TGFBR3: variants seen among roughly 807,000 people sequenced by gnomAD.
TGFBR3 encodes transforming growth factor beta receptor type 3.
TGFBR3 carries 46 observed loss-of-function variants against 87.9 expected under a neutral mutation model. The ratio of observed to expected loss-of-function variants is 0.52; its 90% CI spans 0.41 to 0.67. The LOEUF (loss-of-function observed/expected upper bound fraction) is 0.67, where lower values mean the gene tolerates loss of function less well. Among genes scored for constraint, TGFBR3 ranks in the 30% least tolerant of loss-of-function variants. The probability of loss-of-function intolerance (pLI) is 0.00; values close to 1 mark genes in which losing one functional copy is unlikely to be tolerated. For synonymous variants in TGFBR3, 381 were observed against 391.6 expected (o/e 0.97, Z 0.32); for missense variants, 866 against 1,041.9 (o/e 0.83, Z 2.32).
At chr1:91,689,956 T>C (rs1241601274) in intron 16 of TGFBR3, among the ~76,000 whole-genome samples, 5 of 151,740 alleles carry the variant, frequency 3.3e-5, no homozygotes, top group Admixed American at 6.6e-5. Context: ...GTAAATGGAC[T>C]TTTAAAGGCA....
At chr1:91,870,292 C>G (rs1025732389) in intron 1 of TGFBR3, among the ~76,000 whole-genome samples, 11 of 152,018 alleles carry the variant, frequency 7.2e-5, no homozygotes, top group Admixed American at 4.6e-4. Flanking sequence ...TGTGAACATT[C>G]TGTCACTTAT....
intron 1 of TGFBR3, among the ~76,000 whole-genome samples, chr1:91,874,631 G>A (rs1678714667): frequency 6.6e-6 from 1 of 152,060 alleles, no homozygotes; most frequent in East Asian, 1.9e-4. Flanking sequence ...CCGAGTAGCT[G>A]GGATTACAGG....
intron 1 of TGFBR3, among the ~76,000 whole-genome samples, chr1:91,879,826 A>C (rs1444225125): frequency 6.6e-6 from 1 of 152,126 alleles, no homozygotes; most frequent in East Asian, 1.9e-4. Context: ...AAATCTAGAA[A>C]TTTTATATTC....
At chr1:91,719,779 A>G in intron 9 of TGFBR3, 114 bp downstream of exon 9, 2 of 1,209,706 alleles carry the variant, frequency 1.7e-6, no homozygotes, top group South Asian at 1.3e-5. Context: ...AGAAAACAGT[A>G]TCAAGCCTCC....
At chr1:91,889,358 C>T (rs1679399336), upstream of TGFBR3, among the ~76,000 whole-genome samples, 1 of 152,126 alleles carries the variant, frequency 6.6e-6, no homozygotes, top group African/African-American at 2.4e-5. Flanking sequence ...ATCCACCGAC[C>T]TCAAAACCTA....
rs2391067 is a variant in TGFBR3 at position 91,768,730 on chromosome 1, T to A, written c.247-9980A>T. On this transcript the variant is annotated intron_variant, in intron 3 of 16. Transcript: ENST00000212355. ...CCTTCTGCCACGATTGAAAGTTTCC[T>A]GAGGCCTCCCCAGAAGCTGCTATGT... 3.9e-5 allele frequency among the ~76,000 whole-genome samples: 6 copies of A among 151,904 alleles called. No individual in the cohort carries two copies. In the South Asian group the frequency reaches 1.2e-3, roughly 32 times the overall value.
intron 5 of TGFBR3, among the ~76,000 whole-genome samples, chr1:91,732,884 T>C (rs538474731): frequency 6.6e-6 from 1 of 152,336 alleles, no homozygotes; most frequent in African/African-American, 2.4e-5. Context: ...AAGAAGCTCA[T>C]GCACTGCCGA....
At chr1:91,829,327 G>A (rs1380575476) in intron 2 of TGFBR3, among the ~76,000 whole-genome samples, 1 of 151,606 alleles carries the variant, frequency 6.6e-6, no homozygotes, top group Non-Finnish European at 1.5e-5. Context: ...AGTGAGCTGA[G>A]ATTGCCCCAC....
At chr1:91,856,322 T>C (rs529751288) in intron 2 of TGFBR3, among the ~76,000 whole-genome samples, 3 of 152,124 alleles carry the variant, frequency 2.0e-5, no homozygotes, top group Non-Finnish European at 2.9e-5. Context: ...CGCCTCGGCC[T>C]CCCAAAGTGC....
chr1:91,748,780 G>C (rs978648130), intron 4 of TGFBR3, among the ~76,000 whole-genome samples: 2 of 151,746 alleles, frequency 1.3e-5, no homozygotes, highest in African/African-American at 4.8e-5. Context: ...TACTTACTAA[G>C]CACTGTCCCT....
intron 14 of TGFBR3, among the ~76,000 whole-genome samples, chr1:91,705,451 G>C (rs1047905303): frequency 1.3e-5 from 2 of 151,704 alleles, no homozygotes; most frequent in African/African-American, 4.8e-5. Flanking sequence ...GGCTGGTCTT[G>C]AACTCCTGAC....
chr1:91,840,481 A>G (rs556059552), intron 2 of TGFBR3, among the ~76,000 whole-genome samples: 240 of 144,714 alleles, frequency 1.7e-3, no homozygotes, highest in African/African-American at 5.9e-3. Flanking sequence ...TTGTAATATC[A>G]TGCATGATTT....
chr1:91,718,067 T>A (rs1173983157), intron 10 of TGFBR3, among the ~76,000 whole-genome samples: 1 of 152,106 alleles, frequency 6.6e-6, no homozygotes. Context: ...AATAAATTAA[T>A]TATTTGAGTA....
intron 4 of TGFBR3, among the ~76,000 whole-genome samples, chr1:91,750,695 T>C (rs1283971624): frequency 2.0e-5 from 3 of 152,200 alleles, no homozygotes. Flanking sequence ...AGAGAGAATT[T>C]ATCTGGGGAA....
intron 3 of TGFBR3, among the ~76,000 whole-genome samples, chr1:91,786,759 A>G (rs1262663837): frequency 6.6e-6 from 1 of 151,850 alleles, no homozygotes; most frequent in Non-Finnish European, 1.5e-5. Flanking sequence ...TCCAAAAAAA[A>G]AGACAAAAAA....
At chr1:91,889,257 C>T (rs560395561), upstream of TGFBR3, among the ~76,000 whole-genome samples, 22 of 152,174 alleles carry the variant, frequency 1.4e-4, no homozygotes, top group Admixed American at 3.9e-4. Flanking sequence ...TAAATGAGGC[C>T]GATATACATG....
At chr1:91,851,134 G>A (rs1156715041) in intron 2 of TGFBR3, among the ~76,000 whole-genome samples, 1 of 152,048 alleles carries the variant, frequency 6.6e-6, no homozygotes. Flanking sequence ...ACATTACACT[G>A]TAGATTTTTT....
At chr1:91,720,327 C>T (rs1672322416) in intron 8 of TGFBR3, 97 bp from the exon 9 acceptor site, 1 of 1,217,060 alleles carries the variant, frequency 8.2e-7, no homozygotes, top group South Asian at 1.3e-5. Flanking sequence ...ATAGAATGGG[C>T]AGGTGTAAAA....
At chr1:91,849,503 CA>C (rs1677634883) in intron 2 of TGFBR3, among the ~76,000 whole-genome samples, 1 of 152,184 alleles carries the variant, frequency 6.6e-6, no homozygotes, top group Non-Finnish European at 1.5e-5. Context: ...AACCTTTGCT[CA>C]ATGTTCCTAG....
Sources: gnomAD v4.1 joint callset for allele counts (sites outside exome capture counted in the v4.1 genomes callset) on GRCh38, gnomAD v4.1.1 for gene constraint, MANE v1.5 for transcripts, NCBI Gene and HGNC (gene_info 2026-07-23, HGNC 2026-07-21) for gene names.